The following MPO variants were observed in gnomAD, a reference collection of about 807,000 sequenced individuals.
MPO encodes the protein myeloperoxidase.
MPO carries 57 observed loss-of-function variants against 69.4 expected under a neutral mutation model. That is an observed-to-expected ratio of 0.82 (90% CI 0.66 to 1.02). The LOEUF is 1.02. Ranked by LOEUF, MPO falls within the 50% of genes least tolerant of loss-of-function variation. The pLI is 0.00. For missense variants in MPO, 971 were observed against 1,014.1 expected (o/e 0.96, Z 0.58); for synonymous variants, 426 against 417.1 (o/e 1.02, Z -0.26).
rs1970348120 is a variant in MPO, at chr17:58,270,102, C to A, written c.*554G>T. ...ACTGGTCCAGCTCTGCTAACCAGGACACAGATGGCATCTTGGTATCTCTTT... is the reference window on the plus strand; with the variant it reads ...ACTGGTCCAGCTCTGCTAACCAGGAAACAGATGGCATCTTGGTATCTCTTT... On this transcript the variant is annotated 3_prime_UTR_variant, in exon 12 of 12. Coordinates refer to ENST00000225275, the MANE Select transcript of MPO (RefSeq NM_000250.2). The surrounding 1 kb of genome is among the most constrained non-coding windows in gnomAD (Gnocchi z 4.1). 1 of 184,098 alleles carries A rather than the reference C, an allele frequency of 5.4e-6. No individual in the cohort carries two copies. Among genetic ancestry groups the A allele is most frequent in the Admixed American group, 5.4e-5 (1 of 18,430 alleles). 11.4% of individuals were successfully genotyped at this position (184,098 alleles called of 1,614,324 possible).
At position 58,269,876 on chromosome 17, in the gene MPO, C is replaced by G. The variant is rs928633624; in HGVS notation, c.*780G>C. The G allele has an allele frequency of 1.3e-5, 2 of 152,670 alleles. No individual in the cohort carries two copies. The highest frequency in any genetic ancestry group is 2.9e-5 in the Non-Finnish European group (2 of 68,428). The allele number at this position is 152,670 out of a possible 1,614,324, so 9.5% of individuals were successfully genotyped here. On this transcript the variant is annotated 3_prime_UTR_variant, in exon 12 of 12. Transcript: ENST00000225275. ...AGAGTGGAGGTCCCCATCAGCGGTG[C>G]CTTTATTATCATAAACATTGGGAGC... is the stretch of plus-strand genomic sequence containing the variant.
chr17:58,277,752 C>T (rs1970455787), intron 7 of MPO, 75 bp downstream of exon 7: 1 of 1,589,044 alleles, frequency 6.3e-7, no homozygotes, highest in South Asian at 1.1e-5. Context: ...CCACAAGCTG[C>T]TCACAAACAG....
rs373939346 is a variant in MPO, at chr17:58,273,688, G to A, written c.1366-19C>T. On this transcript the variant is annotated intron_variant, in intron 8 of 11. Coordinates refer to ENST00000225275, the MANE Select transcript of MPO (RefSeq NM_000250.2). The stretch of plus-strand genomic sequence containing the variant: ...TGATGATCTAAAGACAAGTCATTTG[G>A]AATGGCCTCTCCACCCACTCCTCCA... 1.5e-5 allele frequency: 25 copies of A among 1,614,038 alleles called. No homozygotes were observed. In the Middle Eastern group the frequency reaches 1.2e-3, roughly 74 times the overall value.
rs927740360 is a variant in MPO, at chr17:58,276,986, T to C, written c.1204+841A>G. On this transcript the variant is annotated intron_variant, in intron 7 of 11. Transcript: ENST00000225275. Reference sequence around the variant, plus strand: ...AGCCAAGTGTGGTGGCAGGCGCCTGTAGTCCCAGCTACTCAGGAGGCTGAG... The same window carrying C: ...AGCCAAGTGTGGTGGCAGGCGCCTGCAGTCCCAGCTACTCAGGAGGCTGAG... 4.6e-5 allele frequency among the ~76,000 whole-genome samples: 7 copies of C among 152,154 alleles called. No homozygotes were observed. In the East Asian group the frequency reaches 1.2e-3, roughly 25 times the overall value.
rs966801133 is a variant in MPO, at chr17:58,272,675, AG to A, written c.1792+72del. On this transcript the variant is annotated intron_variant, in intron 10 of 11. Coordinates refer to ENST00000225275, the MANE Select transcript of MPO (RefSeq NM_000250.2). ...AGAGGGCAGGGACCCTAGAGTGGGAAGGGGGGTGATGGGCTACCTAGGAGGC... is the reference window on the plus strand; with the variant it reads ...AGAGGGCAGGGACCCTAGAGTGGGAAGGGGGTGATGGGCTACCTAGGAGGC... 12 of 1,541,216 alleles carry A rather than the reference AG, an allele frequency of 7.8e-6. No individual in the cohort carries two copies. The African/African-American group carries it at 1.1e-4, about 14-fold the overall frequency.
intron 2 of MPO, 77 bp from the exon 3 acceptor site, chr17:58,280,091 C>G: frequency 1.3e-6 from 2 of 1,561,852 alleles, no homozygotes; most frequent in Non-Finnish European, 1.7e-6. Context: ...CAGGGGCAGA[C>G]ATGCAGGACC....
rs1970500740 is a variant in MPO, at chr17:58,280,357, GTGCCCCACCT to G, written c.247_248+8del. The G allele has an allele frequency of 1.9e-6, 3 of 1,613,248 alleles. No individual in the cohort carries two copies. In the East Asian group the frequency reaches 6.7e-5, roughly 36 times the overall value. ...CTTGCCCAGAGCTGGGCAGTGCCTC[GTGCCCCACCT>G]TTCCCGCCGCTCCTTGTAGGCCTTG... On this transcript the variant is annotated splice_donor_variant and splice_donor_5th_base_variant and coding_sequence_variant and intron_variant, in exon 2 of 12. Transcript: ENST00000225275. LOFTEE classifies it high-confidence loss of function.
chr17:58,275,570 G>T lies in MPO; in HGVS notation c.1337C>A (p.Ala446Asp), dbSNP rs773441057. ...GACCATGGCCCCCACGATCTTCCGGGCTTCCTGGTAGAGCCTCTCCCCATC... is the reference window on the plus strand; with the variant it reads ...GACCATGGCCCCCACGATCTTCCGGTCTTCCTGGTAGAGCCTCTCCCCATC... ...RWDGERLYQEARKIVGAMVQI... is the reference protein window; with the variant it reads ...RWDGERLYQEDRKIVGAMVQI... Residue 446 changes from alanine (A) to aspartate (D), a missense_variant, in exon 8 of 12, where the codon GCC (alanine) becomes GAC (aspartate). Transcript: ENST00000225275. The surrounding 1 kb of genome is among the most constrained non-coding windows in gnomAD (Gnocchi z 4.1). 3 of 1,614,164 alleles carry T rather than the reference G, an allele frequency of 1.9e-6. No homozygotes were observed. The highest frequency in any genetic ancestry group is 1.7e-5 in the Admixed American group (1 of 60,024).
intron 6 of MPO, 101 bp from the exon 7 acceptor site, chr17:58,278,246 C>G: frequency 1.4e-6 from 2 of 1,403,464 alleles, no homozygotes; most frequent in Non-Finnish European, 2.0e-6. Flanking sequence ...GTACCCTCAA[C>G]CTGCAGAGAG....
At chr17:58,272,261 A>T (rs1013553180) in intron 10 of MPO, among the ~76,000 whole-genome samples, 1 of 152,202 alleles carries the variant, frequency 6.6e-6, no homozygotes, top group African/African-American at 2.4e-5. Context: ...TGTGTCTAGA[A>T]GCCTCAGCCA....
chr17:58,273,028 G>A (rs1970387084), intron 9 of MPO, 110 bp from the exon 10 acceptor site: 2 of 1,394,112 alleles, frequency 1.4e-6, no homozygotes, highest in Non-Finnish European at 2.0e-6. Flanking sequence ...GAAGAGGGCT[G>A]GGCACAAGCA....
intron 7 of MPO, among the ~76,000 whole-genome samples, chr17:58,276,325 A>G (rs1228831128): frequency 6.6e-6 from 1 of 152,192 alleles, no homozygotes; most frequent in African/African-American, 2.4e-5. Context: ...GCCCTTTACT[A>G]CATGCCAATG....
rs1970423499 is a variant in MPO at position 58,275,367 on chromosome 17, T to A, written c.1365+175A>T. On this transcript the variant is annotated intron_variant, in intron 8 of 11. Transcript: ENST00000225275. The surrounding 1 kb of genome is among the most constrained non-coding windows in gnomAD (Gnocchi z 4.1). ...AGAAGGAGAGGGAAGGGAAGGAGGCTTTGTCAAGCACTTACTATCTGAAAG... is the reference window on the plus strand; with the variant it reads ...AGAAGGAGAGGGAAGGGAAGGAGGCATTGTCAAGCACTTACTATCTGAAAG... 6.6e-6 allele frequency among the ~76,000 whole-genome samples: 1 copy of A among 152,166 alleles called. No individual in the cohort carries two copies. Among genetic ancestry groups the A allele is most frequent in the Non-Finnish European group, 1.5e-5 (1 of 68,028 alleles).
In MPO at chr17:58,280,662, G is replaced by T; in HGVS notation, c.97C>A (p.Leu33Ile). 6.2e-7 allele frequency: 1 copy of T among 1,614,228 alleles called. No individual in the cohort carries two copies. The highest frequency in any genetic ancestry group is 8.5e-7 in the Non-Finnish European group (1 of 1,180,048). The change falls in exon 1 of 12, where the codon CTA becomes ATA. Residue 33 changes from leucine to isoleucine, a missense_variant. Leu to Ile is a conservative substitution (Grantham distance 5). Coordinates refer to ENST00000225275, the MANE Select transcript of MPO (RefSeq NM_000250.2). ...LTAEMKLLLA[L>I]AGLLAILATP... ...GCCAGAATGGCCAGGAGCCCTGCTA[G>T]GGCCAGAAGCAGCTTCATCTCTGCA...
At position 58,275,759 on chromosome 17, in the gene MPO, C is replaced by T. The variant is rs1970428601; in HGVS notation, c.1205-57G>A. The T allele has an allele frequency of 3.7e-6, 6 of 1,603,612 alleles. No homozygotes were observed. The highest frequency in any genetic ancestry group is 4.3e-6 in the Non-Finnish European group (5 of 1,174,082). On this transcript the variant is annotated intron_variant, in intron 7 of 11. Coordinates refer to ENST00000225275, the MANE Select transcript of MPO (RefSeq NM_000250.2). This position sits in a 1 kb window ranked among gnomAD's most constrained non-coding sequence, Gnocchi z 4.1. ...AGGCCTCCATCCCAGAAAAGATTTGCTCCACTGAAACCCCCTCCCCAGCCA... is the reference window on the plus strand; with the variant it reads ...AGGCCTCCATCCCAGAAAAGATTTGTTCCACTGAAACCCCCTCCCCAGCCA...
intron 8 of MPO, chr17:58,274,347 A>AGT (rs55893734): frequency 0.091 from 30,435 of 333,398 alleles, 824 homozygotes; most frequent in Middle Eastern, 0.12. Flanking sequence ...AGAATCTAGG[A>AGT]GTGTGTGTGT....
In MPO at chr17:58,274,349, TGTG is replaced by T. The variant is rs2143970896; in HGVS notation, c.1366-683_1366-681del. The T allele has an allele frequency of 6.6e-4, 16 of 24,202 alleles. No individual in the cohort carries two copies. The East Asian group carries it at 0.033, about 49-fold the overall frequency. The allele number at this position is 24,202 out of a possible 1,614,324, so 1.5% of individuals were successfully genotyped here. ...AACTCTCTCCTCCAGAATCTAGGAG[TGTG>T]TGTGTGTGTGTGTGTGTGTGTGTGT... On this transcript the variant is annotated intron_variant, in intron 8 of 11. Coordinates refer to ENST00000225275, the MANE Select transcript of MPO (RefSeq NM_000250.2).
chr17:58,271,785 A>T lies in MPO; in HGVS notation c.1900T>A (p.Tyr634Asn). The T allele has an allele frequency of 1.2e-6, 2 of 1,614,130 alleles. No individual in the cohort carries two copies. Among genetic ancestry groups the T allele is most frequent in the Non-Finnish European group, 1.7e-6 (2 of 1,180,028 alleles). The stretch of plus-strand genomic sequence containing the variant: ...ATGTCGATGTTGTTGGGCGTGCCAT[A>T]CTGCTCCATCAGTTTCCTCGCCAAT... ...LKLARKLMEQ[Y>N]GTPNNIDIWM... Residue 634 changes from tyrosine to asparagine, a missense_variant, in exon 11 of 12, where the codon TAT becomes AAT. Coordinates refer to ENST00000225275, the MANE Select transcript of MPO (RefSeq NM_000250.2).
chr17:58,277,145 C>A lies in MPO; in HGVS notation c.1204+682G>T, dbSNP rs146738691. On this transcript the variant is annotated intron_variant, in intron 7 of 11. Coordinates refer to ENST00000225275, the MANE Select transcript of MPO (RefSeq NM_000250.2). The stretch of plus-strand genomic sequence containing the variant: ...AACACTGGAAAATGTCTGGTCATGG[C>A]TGCCATCACTGCCCCAATTGTGTCT... Among the ~76,000 whole-genome samples the A allele has an allele frequency of 1.6e-3, 240 of 151,890 alleles. 2 individuals are homozygous for A. Among genetic ancestry groups the A allele is most frequent in the African/African-American group, 5.5e-3 (229 of 41,444 alleles).
Sources: gnomAD v4.1 joint callset for allele counts (sites outside exome capture counted in the v4.1 genomes callset) on GRCh38, gnomAD v4.1.1 for gene constraint, Gnocchi (gnomAD v3.1) non-coding constraint, MANE v1.5 for transcripts, NCBI Gene and HGNC (gene_info 2026-07-23, HGNC 2026-07-21) for gene names.